The following OC90 variants were observed in gnomAD, a reference collection of about 807,000 sequenced individuals.
OC90 encodes otoconin-90.
In OC90, 46 loss-of-function variants were observed where a neutral mutation model predicts 47.3. The ratio of observed to expected loss-of-function variants is 0.97; its 90% CI spans 0.77 to 1.24. OC90 has a LOEUF of 1.24. Among genes scored for constraint, OC90 ranks in the 50% most tolerant of loss-of-function variants. The pLI is 0.00. For synonymous variants in OC90, 271 were observed against 219.5 expected (o/e 1.23, Z -2.07); for missense variants, 688 against 583.9 (o/e 1.18, Z -1.84).
rs144979179 is a variant in OC90, at chr8:132,045,683, C to A, written c.112+135G>T. On this transcript the variant is annotated intron_variant, in intron 3 of 13. Transcript: ENST00000254627. ...ATTGTTGGGGAGATGCTTTTGAGTCCCACTTCAATCCCTTTACTTACAAAT... is the reference window on the plus strand; with the variant it reads ...ATTGTTGGGGAGATGCTTTTGAGTCACACTTCAATCCCTTTACTTACAAAT... The A allele has an allele frequency of 4.9e-4, 286 of 580,828 alleles. 1 individual carries two copies. The highest frequency in any genetic ancestry group is 4.9e-3 in the African/African-American group (260 of 53,416). 36.0% of individuals were successfully genotyped at this position (580,828 alleles called of 1,614,324 possible). A position where few individuals can be genotyped will look rare whatever the true frequency, so the allele number is the denominator to read the frequency against.
intron 2 of OC90, among the ~76,000 whole-genome samples, chr8:132,049,503 G>C (rs1586715355): frequency 6.6e-6 from 1 of 152,308 alleles, no homozygotes; most frequent in African/African-American, 2.4e-5. Context: ...AACAGTTATT[G>C]TTTAGAAGGA....
chr8:132,057,573 C>T (rs770961817), intron 1 of OC90, among the ~76,000 whole-genome samples: 2 of 152,140 alleles, frequency 1.3e-5, no homozygotes, highest in South Asian at 2.1e-4. Context: ...TGGACAGTGG[C>T]GTGATTGCAT....
chr8:132,052,022 G>A (rs78641349), intron 2 of OC90, among the ~76,000 whole-genome samples: 86 of 148,496 alleles, frequency 5.8e-4, no homozygotes, highest in African/African-American at 2.1e-3. Context: ...GGTGAAAGGA[G>A]GGTGCTTTGC....
chr8:132,045,672 G>A (rs11995804), intron 3 of OC90, 146 bp downstream of exon 3: 10,178 of 579,156 alleles, frequency 0.018, 746 homozygotes, highest in African/African-American at 0.17. Flanking sequence ...TTGGGGAGAT[G>A]CTTTTGAGTC....
chr8:132,031,935 T>C lies in OC90; in HGVS notation c.977A>G (p.Tyr326Cys). 1 of 1,613,986 alleles carries C rather than the reference T, an allele frequency of 6.2e-7. No individual in the cohort carries two copies. The highest frequency in any genetic ancestry group is 2.2e-5 in the East Asian group (1 of 44,880). ...TCCTTCTTGTCCACAGTAACAGCCA[T>C]AAGACTCAAATTCCTCCGGGCACCG... ...TSRCPEEFES[Y>C]GCYCGQEGRG... Residue 326 changes from tyrosine (Y) to cysteine (C), a missense_variant, in exon 12 of 14, where the codon TAT (tyrosine) becomes TGT (cysteine). Transcript: ENST00000254627.
chr8:132,034,781 C>T lies in OC90; in HGVS notation c.733G>A (p.Gly245Arg), dbSNP rs1822931191. Reference sequence around the variant, plus strand: ...GGCAGGTGGAGCCCAGTAGGCTTACCTGGAGGGGACGTAGCCCTAGCAGCT... The same window carrying T: ...GGCAGGTGGAGCCCAGTAGGCTTACTTGGAGGGGACGTAGCCCTAGCAGCT... ...VGAARATSPP[G>R]SAEIVATRVT... The change falls in exon 10 of 14, where the codon GGA becomes AGA. Residue 245 changes from glycine (G) to arginine (R), a missense_variant and splice_region_variant. By Grantham distance (125) the Gly-to-Arg change is moderately radical. Coordinates refer to ENST00000254627, the MANE Select transcript of OC90 (RefSeq NM_001080399.3). The T allele has an allele frequency of 6.2e-7, 1 of 1,609,390 alleles. No homozygotes were observed. The highest frequency in any genetic ancestry group is 2.2e-5 in the East Asian group (1 of 44,758).
chr8:132,043,552 A>G (rs543912042), intron 4 of OC90, among the ~76,000 whole-genome samples: 1 of 152,304 alleles, frequency 6.6e-6, no homozygotes, highest in East Asian at 1.9e-4. Context: ...TGCATGGGTT[A>G]CCCCTCACTA....
Position 132,028,632 on chromosome 8 carries a change from AG to A in OC90, c.1138+440del, listed in dbSNP as rs1455635868. Among the ~76,000 whole-genome samples, 530 of 116,022 alleles carry A rather than the reference AG, an allele frequency of 4.6e-3. 14 individuals carry two copies. The highest frequency in any genetic ancestry group is 0.015 in the African/African-American group (474 of 31,870). 76.1% of individuals were successfully genotyped at this position (116,022 alleles called of 152,430 possible). On this transcript the variant is annotated intron_variant, in intron 13 of 13. Transcript: ENST00000254627. ...GAGGGAAGGAGGAAGGAAGGAAGGAAGGAAAGAAAGGAAGGAAGGAAGAAAG... is the reference window on the plus strand; with the variant it reads ...GAGGGAAGGAGGAAGGAAGGAAGGAAGAAAGAAAGGAAGGAAGGAAGAAAG...
At chr8:132,039,676 C>G (rs1050953925) in intron 6 of OC90, among the ~76,000 whole-genome samples, 1 of 152,170 alleles carries the variant, frequency 6.6e-6, no homozygotes, top group Non-Finnish European at 1.5e-5. Context: ...TCCACTCCCT[C>G]CTCATCAACC....
At chr8:132,026,704 T>C (rs1319832444) in intron 13 of OC90, among the ~76,000 whole-genome samples, 3 of 152,196 alleles carry the variant, frequency 2.0e-5, no homozygotes, top group Non-Finnish European at 2.9e-5. Context: ...TTCTGTGATA[T>C]TGGAGGAAGG....
intron 12 of OC90, among the ~76,000 whole-genome samples, chr8:132,029,480 T>A (rs575646714): frequency 6.6e-6 from 1 of 152,350 alleles, no homozygotes; most frequent in African/African-American, 2.4e-5. Flanking sequence ...GTTATTTACA[T>A]ATTTATTTAA....
At chr8:132,045,267 T>C (rs1381418923) in intron 3 of OC90, among the ~76,000 whole-genome samples, 1 of 152,196 alleles carries the variant, frequency 6.6e-6, no homozygotes, top group Non-Finnish European at 1.5e-5. Flanking sequence ...CTCACTCCTC[T>C]GAAAGGTTGG....
intron 13 of OC90, among the ~76,000 whole-genome samples, chr8:132,028,600 AGGGAAGGAGGGAAGGAGG>A (rs1563727487): frequency 6.1e-5 from 2 of 32,656 alleles, no homozygotes; most frequent in Non-Finnish European, 1.4e-4. Flanking sequence ...GGAAGGAAGG[AGGGAAGGAGGGAAGGAGG>A]AAGGAAGGAA....
chr8:132,045,049 G>A (rs1295961906), intron 3 of OC90, among the ~76,000 whole-genome samples: 1 of 152,186 alleles, frequency 6.6e-6, no homozygotes, highest in Non-Finnish European at 1.5e-5. Context: ...ATGGCCTGCT[G>A]GCATGCTGTG....
chr8:132,039,237 T>TAC, intron 6 of OC90, 114 bp from the exon 7 acceptor site: 1 of 1,114,856 alleles, frequency 9.0e-7, no homozygotes, highest in Admixed American at 2.0e-5. Context: ...CCACTCCCCT[T>TAC]GCAATCTCCA....
intron 2 of OC90, among the ~76,000 whole-genome samples, chr8:132,046,993 A>G (rs1335796886): frequency 6.6e-6 from 1 of 152,242 alleles, no homozygotes; most frequent in East Asian, 1.9e-4. Context: ...ATAGATATTT[A>G]GCAAGATTGT....
rs778785567 is a variant in OC90 at position 132,036,424 on chromosome 8, A to C, written c.679+1014T>G. The C allele has an allele frequency of 7.7e-6, 6 of 780,562 alleles. No homozygotes were observed. The South Asian group carries it at 8.0e-5, about 10-fold the overall frequency. 48.4% of individuals were successfully genotyped at this position (780,562 alleles called of 1,614,324 possible). On this transcript the variant is annotated intron_variant, in intron 9 of 13. Transcript: ENST00000254627. ...AGCCTCAGTCTCTGCAGCCACTGTG[A>C]ACAGAAATCACCCGATTTTAATGAT...
chr8:132,055,334 G>A (rs1823267244), intron 1 of OC90, among the ~76,000 whole-genome samples: 1 of 152,184 alleles, frequency 6.6e-6, no homozygotes, highest in African/African-American at 2.4e-5. Context: ...GTGGGCTTCT[G>A]TATTTACTGA....
At chr8:132,032,241 T>A (rs919637484) in intron 11 of OC90, among the ~76,000 whole-genome samples, 189 bp from the exon 12 acceptor site, 9 of 152,196 alleles carry the variant, frequency 5.9e-5, no homozygotes, top group African/African-American at 2.2e-4. Context: ...GGATGCATTG[T>A]CTTTCGGAGA....
Sources: allele counts gnomAD v4.1 joint callset (sites outside exome capture counted in the v4.1 genomes callset), GRCh38; gene constraint gnomAD v4.1.1; transcripts MANE v1.5; gene names NCBI Gene and HGNC (gene_info 2026-07-23, HGNC 2026-07-21).